Variants in DPYD observed in about 807,000 individuals in gnomAD.
The protein encoded by DPYD is dihydropyrimidine dehydrogenase [NADP(+)].
DPYD carries 109 observed loss-of-function variants against 116.2 expected under a neutral mutation model. That is an observed-to-expected ratio of 0.94 (90% CI 0.80 to 1.10). The LOEUF is 1.10. Ranked by LOEUF, DPYD falls within the 50% of genes least tolerant of loss-of-function variation. The probability of loss-of-function intolerance (pLI) is 0.00; values close to 1 mark genes in which losing one functional copy is unlikely to be tolerated. For synonymous variants in DPYD, 440 were observed against 432.0 expected, an observed-to-expected ratio of 1.02 and a Z score of -0.23; for missense variants, 1,302 against 1,254.5, an observed-to-expected ratio of 1.04 and a Z score of -0.57.
intron 20 of DPYD, among the ~76,000 whole-genome samples, chr1:97,161,155 G>A (rs561848596): frequency 6.6e-5 from 10 of 152,178 alleles, no homozygotes; most frequent in Non-Finnish European, 1.0e-4. Flanking sequence ...CGATTAAATC[G>A]GCCAAACAAC....
chr1:97,666,629 G>A (rs892575064), intron 8 of DPYD, among the ~76,000 whole-genome samples: 1 of 152,198 alleles, frequency 6.6e-6, no homozygotes, highest in South Asian at 2.1e-4. Context: ...CACAAGCATG[G>A]TATCAGGAAA....
chr1:97,401,606 G>T (rs762969602), intron 14 of DPYD, among the ~76,000 whole-genome samples: 2 of 152,060 alleles, frequency 1.3e-5, no homozygotes, highest in Non-Finnish European at 2.9e-5. Context: ...GAGCCACTGC[G>T]CCCAGCCAGA....
rs148266147 is a variant in DPYD, at chr1:97,774,336, C to T, written c.234-33857G>A. On this transcript the variant is annotated intron_variant, in intron 3 of 22. Transcript: ENST00000370192. ...TTGCCCTCATGGAGTTTTAACCACCCTAACCAGGCTGGTTAAACACCCCAG... is the reference window on the plus strand; with the variant it reads ...TTGCCCTCATGGAGTTTTAACCACCTTAACCAGGCTGGTTAAACACCCCAG... Among the ~76,000 whole-genome samples the T allele has an allele frequency of 3.3e-3, 497 of 152,306 alleles. 1 individual carries two copies. Among genetic ancestry groups the T allele is most frequent in the Middle Eastern group, 0.024 (7 of 294 alleles).
chr1:97,299,047 C>G (rs1666708538), intron 18 of DPYD, among the ~76,000 whole-genome samples: 1 of 152,002 alleles, frequency 6.6e-6, no homozygotes, highest in Non-Finnish European at 1.5e-5. Flanking sequence ...TGTACTGTAC[C>G]ATTGTTCTGT....
intron 12 of DPYD, among the ~76,000 whole-genome samples, chr1:97,531,879 C>G (rs1271563146): frequency 6.6e-6 from 1 of 151,960 alleles, no homozygotes. Flanking sequence ...TCTTTCTGGT[C>G]TTATTGTAAA....
intron 13 of DPYD, among the ~76,000 whole-genome samples, chr1:97,478,023 T>C (rs1678082618): frequency 6.6e-6 from 1 of 152,208 alleles, no homozygotes; most frequent in Non-Finnish European, 1.5e-5. Context: ...ATTTCTTAAA[T>C]AATAAGACTT....
intron 16 of DPYD, among the ~76,000 whole-genome samples, chr1:97,345,489 T>A (rs1459757897): frequency 6.6e-6 from 1 of 151,986 alleles, no homozygotes; most frequent in Non-Finnish European, 1.5e-5. Context: ...AAGCAAAATT[T>A]CATTTTGAAA....
In DPYD at chr1:97,153,564, A is replaced by T. The variant is rs577850287; in HGVS notation, c.2622+39505T>A. ...ATAAGTTCTAGAAGGTGACATTAAA[A>T]AAAACCTTCTAGACATTGGCTTAGG... On this transcript the variant is annotated intron_variant, in intron 20 of 22. Transcript: ENST00000370192. 2.6e-5 allele frequency among the ~76,000 whole-genome samples: 4 copies of T among 152,306 alleles called. No individual in the cohort carries two copies. The East Asian group carries it at 7.7e-4, about 29-fold the overall frequency.
At chr1:97,819,040 A>G (rs1388532510) in intron 3 of DPYD, among the ~76,000 whole-genome samples, 1 of 152,128 alleles carries the variant, frequency 6.6e-6, no homozygotes, top group African/African-American at 2.4e-5. Context: ...TAAAGTAATC[A>G]TGCACTTTTG....
intron 3 of DPYD, among the ~76,000 whole-genome samples, chr1:97,757,894 C>T (rs1487952910): frequency 2.0e-5 from 3 of 152,224 alleles, no homozygotes; most frequent in African/African-American, 2.4e-5. Context: ...TTATTTTCTA[C>T]ATAGTGTTAC....
At chr1:97,210,481 T>C (rs898691940) in intron 19 of DPYD, among the ~76,000 whole-genome samples, 8 of 152,122 alleles carry the variant, frequency 5.3e-5, no homozygotes, top group African/African-American at 1.9e-4. Flanking sequence ...TGGTCGAGAC[T>C]TACAGTAAGG....
intron 12 of DPYD, among the ~76,000 whole-genome samples, chr1:97,535,892 A>G (rs547439771): frequency 5.4e-4 from 82 of 152,344 alleles, no homozygotes; most frequent in Admixed American, 9.8e-4. Context: ...AAAAGTGTCA[A>G]GTATCTGATG....
intron 4 of DPYD, among the ~76,000 whole-genome samples, chr1:97,733,217 G>A (rs1277434022): frequency 6.6e-6 from 1 of 151,382 alleles, no homozygotes; most frequent in Non-Finnish European, 1.5e-5. Context: ...CTTAGAATAG[G>A]GTCTGTCATG....
At chr1:97,372,225 A>G (rs1321722176) in intron 16 of DPYD, among the ~76,000 whole-genome samples, 1 of 152,194 alleles carries the variant, frequency 6.6e-6, no homozygotes, top group African/African-American at 2.4e-5. Flanking sequence ...CCATGTAGCT[A>G]AAAAATACTT....
intron 5 of DPYD, among the ~76,000 whole-genome samples, chr1:97,706,367 C>A (rs998342479): frequency 2.6e-5 from 4 of 151,856 alleles, no homozygotes; most frequent in African/African-American, 9.7e-5. Context: ...TATCAACATC[C>A]TCTCCATAGT....
intron 2 of DPYD, among the ~76,000 whole-genome samples, chr1:97,830,529 T>C (rs1473342100): frequency 6.6e-6 from 1 of 152,018 alleles, no homozygotes; most frequent in East Asian, 1.9e-4. Context: ...CTGGCCAACA[T>C]GGTGAACTCT....
At chr1:97,330,047 T>A (rs557756968) in intron 16 of DPYD, among the ~76,000 whole-genome samples, 3 of 152,228 alleles carry the variant, frequency 2.0e-5, no homozygotes, top group African/African-American at 7.2e-5. Flanking sequence ...TATGTATATA[T>A]GTATATAATC....
intron 19 of DPYD, among the ~76,000 whole-genome samples, chr1:97,229,964 C>T (rs531683850): frequency 2.0e-5 from 3 of 152,142 alleles, no homozygotes; most frequent in Non-Finnish European, 2.9e-5. Context: ...CAAAACAAAA[C>T]AAAAAACCCA....
chr1:97,268,166 G>A (rs899113470), intron 18 of DPYD, among the ~76,000 whole-genome samples: 5 of 152,150 alleles, frequency 3.3e-5, no homozygotes, highest in Non-Finnish European at 1.5e-5. Flanking sequence ...CCACCTCCTG[G>A]ACACACTGGG....
Sources: gnomAD v4.1 joint callset for allele counts (sites outside exome capture counted in the v4.1 genomes callset) on GRCh38, gnomAD v4.1.1 for gene constraint, MANE v1.5 for transcripts, NCBI Gene and HGNC (gene_info 2026-07-23, HGNC 2026-07-21) for gene names.